The following DCAF6 variants were observed in gnomAD, a reference collection of about 807,000 sequenced individuals.
DCAF6 encodes DDB1 and CUL4 associated factor 6, also known as DDB1- and CUL4-associated factor 6.
A neutral mutation model predicts 125.1 loss-of-function variants in DCAF6; 54 were observed. The ratio of observed to expected loss-of-function variants is 0.43; its 90% CI spans 0.35 to 0.54. DCAF6 has a LOEUF of 0.54. DCAF6 is among the 20% of genes least tolerant of loss of function. The pLI is 0.01. For missense variants in DCAF6, 934 were observed against 1,161.7 expected (o/e 0.80, Z 2.85); for synonymous variants, 371 against 390.4 (o/e 0.95, Z 0.58).
intron 5 of DCAF6, among the ~76,000 whole-genome samples, chr1:167,987,868 A>G (rs577789726): frequency 6.6e-6 from 1 of 152,164 alleles, no homozygotes; most frequent in Non-Finnish European, 1.5e-5. Flanking sequence ...TATATTTATG[A>G]AAATTCAAAT....
the DCAF6 span, chr1:167,880,640 G>A: frequency 3.3e-6 from 5 of 1,512,136 alleles, no homozygotes; most frequent in African/African-American, 6.8e-5. Context: ...AACCACAGCT[G>A]ATGGACAGTG....
intron 11 of DCAF6, among the ~76,000 whole-genome samples, chr1:168,018,388 T>G (rs530408185): frequency 6.6e-6 from 1 of 152,322 alleles, no homozygotes; most frequent in East Asian, 1.9e-4. Context: ...TATTTTTGGT[T>G]GTTCACTCTT....
intron 12 of DCAF6, among the ~76,000 whole-genome samples, chr1:168,035,359 A>G (rs944506525): frequency 3.3e-5 from 5 of 152,222 alleles, no homozygotes; most frequent in Middle Eastern, 3.2e-3. Flanking sequence ...AGGTGGGAGA[A>G]TCACCTTAGC....
At chr1:167,958,873 A>G (rs975422268) in intron 2 of DCAF6, among the ~76,000 whole-genome samples, 3 of 152,200 alleles carry the variant, frequency 2.0e-5, no homozygotes, top group African/African-American at 4.8e-5. Context: ...ATGAGCCTAC[A>G]TTAATACATC....
At position 168,018,961 on chromosome 1, in the gene DCAF6, A is replaced by C. The variant is rs78335090; in HGVS notation, c.1549+3010A>C. On this transcript the variant is annotated intron_variant, in intron 11 of 21. Coordinates refer to ENST00000367840, the MANE Select transcript of DCAF6 (RefSeq NM_001198956.2). ...TAGTGTAGCTTGCTGTAATTTACAG[A>C]GACCATGTAAGGATGGGTTAAGGCA... 4.9e-3 allele frequency among the ~76,000 whole-genome samples: 744 copies of C among 152,286 alleles called. 3 individuals are homozygous for C. Among genetic ancestry groups the C allele is most frequent in the African/African-American group, 0.017 (714 of 41,560 alleles).
chr1:168,049,097 A>G (rs891615613), intron 16 of DCAF6, among the ~76,000 whole-genome samples: 5 of 152,184 alleles, frequency 3.3e-5, no homozygotes, highest in Admixed American at 6.6e-5. Flanking sequence ...AAAAGACAGA[A>G]AGAAATGTTT....
At chr1:167,964,752 G>A (rs1048335737) in intron 2 of DCAF6, among the ~76,000 whole-genome samples, 1 of 151,802 alleles carries the variant, frequency 6.6e-6, no homozygotes, top group African/African-American at 2.4e-5. Context: ...TGTTCTTTTT[G>A]CTTCTCAGTT....
chr1:168,056,520 T>C, intron 17 of DCAF6: 2 of 417,228 alleles, frequency 4.8e-6, no homozygotes, highest in South Asian at 4.0e-5. Flanking sequence ...AATAATAAAT[T>C]CACACTCAAT....
chr1:167,991,837 T>G (rs1214571744), intron 6 of DCAF6, among the ~76,000 whole-genome samples: 1 of 152,150 alleles, frequency 6.6e-6, no homozygotes, highest in Non-Finnish European at 1.5e-5. Flanking sequence ...CTTAGGGCAC[T>G]AGTCATACTG....
the DCAF6 span, among the ~76,000 whole-genome samples, chr1:167,867,793 TACAC>T: frequency 2.6e-5 from 4 of 152,102 alleles, no homozygotes; most frequent in East Asian, 7.7e-4. Flanking sequence ...AAAAAAAAGT[TACAC>T]AGCAGGAAAT....
intron 1 of DCAF6, among the ~76,000 whole-genome samples, chr1:167,948,644 C>T (rs1488588656): frequency 1.3e-5 from 2 of 151,840 alleles, no homozygotes; most frequent in Non-Finnish European, 2.9e-5. Flanking sequence ...ATACATTCAC[C>T]ATGTGTTATT....
the DCAF6 span, among the ~76,000 whole-genome samples, chr1:167,865,440 GTC>G: frequency 6.6e-6 from 1 of 152,154 alleles, no homozygotes; most frequent in East Asian, 1.9e-4. Context: ...GTTAAAAAGA[GTC>G]TGTAAAAACT....
At chr1:167,887,778 T>TA in the DCAF6 span, among the ~76,000 whole-genome samples, 3,307 of 143,646 alleles carry the variant, frequency 0.023, 98 homozygotes, top group African/African-American at 0.073. Flanking sequence ...AAAATAATTC[T>TA]AAAAAAAAAA....
chr1:167,934,929 TAC>T (rs1394367279), upstream of DCAF6, among the ~76,000 whole-genome samples: 7 of 152,100 alleles, frequency 4.6e-5, 1 homozygote, highest in African/African-American at 9.7e-5. Flanking sequence ...TTCAGTTTCT[TAC>T]AGTTTTTTTT....
chr1:168,027,212 A>T (rs1686447964), intron 12 of DCAF6, among the ~76,000 whole-genome samples: 1 of 152,106 alleles, frequency 6.6e-6, no homozygotes, highest in Non-Finnish European at 1.5e-5. Context: ...TGGGGGAAAA[A>T]GGTAGAGACT....
At chr1:167,935,603 G>T, upstream of DCAF6, 1 of 704,428 alleles carries the variant, frequency 1.4e-6, no homozygotes, top group Non-Finnish European at 2.5e-6. Flanking sequence ...AGAGTAGACG[G>T]CTTCACTTGA....
At chr1:168,016,440 T>C (rs964929127) in intron 11 of DCAF6, among the ~76,000 whole-genome samples, 1 of 152,180 alleles carries the variant, frequency 6.6e-6, no homozygotes, top group African/African-American at 2.4e-5. Flanking sequence ...TATTTCCTTC[T>C]GTCATTATTT....
intron 3 of DCAF6, among the ~76,000 whole-genome samples, chr1:167,971,052 A>G (rs1001142389): frequency 2.0e-5 from 3 of 152,336 alleles, no homozygotes; most frequent in Admixed American, 6.5e-5. Flanking sequence ...GGCCTCAGCC[A>G]GCTACTTATA....
chr1:168,064,663 A>T (rs760695969), intron 18 of DCAF6, among the ~76,000 whole-genome samples: 1 of 152,244 alleles, frequency 6.6e-6, no homozygotes, highest in Non-Finnish European at 1.5e-5. Context: ...AAAAGTTAGC[A>T]TGAAAATAAT....
Sources: allele counts gnomAD v4.1 joint callset (sites outside exome capture counted in the v4.1 genomes callset), GRCh38; gene constraint gnomAD v4.1.1; transcripts MANE v1.5; gene names NCBI Gene and HGNC (gene_info 2026-07-23, HGNC 2026-07-21).